Variants in WDR25 observed in about 807,000 individuals in gnomAD.
The protein encoded by WDR25 is WD repeat-containing protein 25.
In WDR25, 35 loss-of-function variants were observed where a neutral mutation model predicts 47.7. That is an observed-to-expected ratio of 0.73 (90% confidence interval 0.56 to 0.97). The LOEUF (loss-of-function observed/expected upper bound fraction) is 0.97, where lower values mean the gene tolerates loss of function less well. WDR25 is among the 50% of genes least tolerant of loss of function. WDR25 has a pLI of 0.00. For missense variants in WDR25, 634 were observed against 704.7 expected (o/e 0.90, Z 1.14); for synonymous variants, 248 against 278.9 (o/e 0.89, Z 1.10).
rs915128655 is a variant in WDR25, at chr14:100,468,830, G to A, written c.970+662G>A. ...AGGACTGCCAGGGAGTGACAGAGCT[G>A]GGATTCGCACCTCTGCCATCTGCCT... On this transcript the variant is annotated intron_variant, in intron 3 of 6. Coordinates refer to ENST00000402312, the MANE Select transcript of WDR25 (RefSeq NM_001161476.3). The surrounding 1 kb of genome is among the most constrained non-coding windows in gnomAD (Gnocchi z 4.5). 1.3e-5 allele frequency among the ~76,000 whole-genome samples: 2 copies of A among 152,114 alleles called. No individual in the cohort carries two copies. Among genetic ancestry groups the A allele is most frequent in the African/African-American group, 4.8e-5 (2 of 41,400 alleles).
rs146569004 is a variant in WDR25, at chr14:100,518,703, C to A, written c.1102-7167C>A. On this transcript the variant is annotated intron_variant, in intron 4 of 6. Coordinates refer to ENST00000402312, the MANE Select transcript of WDR25 (RefSeq NM_001161476.3). ...CTCAGGAGTTCAAGACCAGCCTGGG[C>A]AACATGGTGACACCCCGTCTCTACT... 8.3e-3 allele frequency among the ~76,000 whole-genome samples: 1,255 copies of A among 152,092 alleles called. 16 individuals are homozygous for A. Among genetic ancestry groups the A allele is most frequent in the African/African-American group, 0.029 (1,206 of 41,472 alleles).
intron 4 of WDR25, among the ~76,000 whole-genome samples, chr14:100,511,419 CTT>C (rs1901307005): frequency 6.6e-6 from 1 of 152,122 alleles, no homozygotes; most frequent in Non-Finnish European, 1.5e-5. Flanking sequence ...CTGGTTGTTT[CTT>C]TGTAGATTCT....
chr14:100,436,108 G>C (rs1415897864), intron 2 of WDR25, among the ~76,000 whole-genome samples: 1 of 152,216 alleles, frequency 6.6e-6, no homozygotes, highest in Non-Finnish European at 1.5e-5. Context: ...TCTCAGCTCT[G>C]CTGTTGACTA....
intron 2 of WDR25, among the ~76,000 whole-genome samples, chr14:100,451,989 G>C (rs1899048638): frequency 6.6e-6 from 1 of 152,132 alleles, no homozygotes; most frequent in South Asian, 2.1e-4. Flanking sequence ...TTGTCCATCT[G>C]TCCTTCTATC....
chr14:100,504,601 C>T (rs529782576), intron 4 of WDR25: 5 of 152,232 alleles, frequency 3.3e-5, no homozygotes, highest in South Asian at 2.1e-4. Context: ...ATGGACATAC[C>T]GCAGTTTGTT....
intron 2 of WDR25, among the ~76,000 whole-genome samples, chr14:100,414,339 G>T (rs1897805961): frequency 8.3e-6 from 1 of 120,032 alleles, no homozygotes; most frequent in African/African-American, 3.4e-5. Context: ...TTTTGAGACA[G>T]TCTTGCTCTG....
intron 3 of WDR25, among the ~76,000 whole-genome samples, chr14:100,478,008 C>T (rs1449829617): frequency 6.6e-6 from 1 of 152,030 alleles, no homozygotes; most frequent in Non-Finnish European, 1.5e-5. Flanking sequence ...AGGAGAATGG[C>T]GTGAATCTGG....
intron 2 of WDR25, among the ~76,000 whole-genome samples, chr14:100,417,151 A>G (rs1239023253): frequency 1.3e-5 from 2 of 152,142 alleles, no homozygotes; most frequent in South Asian, 2.1e-4. Flanking sequence ...TCCCTTCTCT[A>G]TGGGCCTAGG....
intron 1 of WDR25, among the ~76,000 whole-genome samples, chr14:100,377,280 G>C (rs1896721933): frequency 8.8e-6 from 1 of 114,102 alleles, no homozygotes; most frequent in Admixed American, 9.7e-5. Flanking sequence ...GAGCTGGCTG[G>C]CTGGCTTTAG....
Position 100,381,131 on chromosome 14 carries a change from C to T in WDR25, c.207C>T (p.Ser69=). The T allele has an allele frequency of 6.2e-7, 1 of 1,614,216 alleles. No individual in the cohort carries two copies. The highest frequency in any genetic ancestry group is 1.3e-5 in the African/African-American group (1 of 75,068). ...KAGAQPTKHG[S]CEDPGGYRLP... ...GGGCACAGCCCACAAAGCATGGCTC[C>T]TGTGAAGACCCAGGGGGCTATCGCC... The change falls in exon 2 of 7, where the codon TCC becomes TCT. Residue 69 remains serine, a synonymous_variant. Transcript: ENST00000402312.
At chr14:100,460,026 A>T (rs541931966) in intron 2 of WDR25, among the ~76,000 whole-genome samples, 1 of 149,242 alleles carries the variant, frequency 6.7e-6, no homozygotes, top group South Asian at 2.1e-4. Flanking sequence ...CTATGAGGCC[A>T]TGATTACCCT....
At position 100,506,450 on chromosome 14, in the gene WDR25, A is replaced by C. The variant is rs1901112983; in HGVS notation, c.1102-19420A>C. Among the ~76,000 whole-genome samples the C allele has an allele frequency of 1.3e-5, 2 of 152,174 alleles. No homozygotes were observed. Among genetic ancestry groups the C allele is most frequent in the Admixed American group, 6.5e-5 (1 of 15,270 alleles). On this transcript the variant is annotated intron_variant, in intron 4 of 6. Transcript: ENST00000402312. The surrounding 1 kb of genome is among the most constrained non-coding windows in gnomAD (Gnocchi z 4.8). ...ACCCAGTAATGGGATTGCTGGGATA[A>C]ATGGTAGTACTGTTTTATGTTCTTT...
rs190739382 is a variant in WDR25 at position 100,488,978 on chromosome 14, C to T, written c.1101+4854C>T. 1.1e-4 allele frequency among the ~76,000 whole-genome samples: 17 copies of T among 152,272 alleles called. No individual in the cohort carries two copies. The highest frequency in any genetic ancestry group is 7.8e-4 in the Admixed American group (12 of 15,304). Reference sequence around the variant, plus strand: ...CCTGGAGTGAGCTGATGGGGTCAGCCGCCACTGTCATTGTGATAGAGGCCT... The same window carrying T: ...CCTGGAGTGAGCTGATGGGGTCAGCTGCCACTGTCATTGTGATAGAGGCCT... On this transcript the variant is annotated intron_variant, in intron 4 of 6. Transcript: ENST00000402312. This position sits in a 1 kb window ranked among gnomAD's most constrained non-coding sequence, Gnocchi z 4.2.
At chr14:100,416,724 C>T (rs1402118858) in intron 2 of WDR25, among the ~76,000 whole-genome samples, 1 of 152,166 alleles carries the variant, frequency 6.6e-6, no homozygotes. Context: ...TGGGCTGTGC[C>T]CCGGCAGTGT....
chr14:100,385,198 C>G (rs1223151199), intron 2 of WDR25, among the ~76,000 whole-genome samples: 1 of 152,174 alleles, frequency 6.6e-6, no homozygotes. Context: ...TTTATATTCC[C>G]CAGCATCTGG....
chr14:100,494,873 C>A (rs1370378642), intron 4 of WDR25, among the ~76,000 whole-genome samples: 2 of 152,116 alleles, frequency 1.3e-5, no homozygotes, highest in Non-Finnish European at 2.9e-5. Context: ...GCAGTACAGA[C>A]CTCATTAAGA....
chr14:100,517,278 C>T (rs1051228294), intron 4 of WDR25, among the ~76,000 whole-genome samples: 20 of 151,852 alleles, frequency 1.3e-4, no homozygotes, highest in Non-Finnish European at 2.2e-4. Flanking sequence ...GGGGTTTCAC[C>T]GTGTTAGCCA....
rs917462412 is a variant in WDR25 at position 100,440,846 on chromosome 14, G to C, written c.823-27175G>C. 2.0e-5 allele frequency among the ~76,000 whole-genome samples: 3 copies of C among 152,220 alleles called. No homozygotes were observed. The highest frequency in any genetic ancestry group is 4.4e-5 in the Non-Finnish European group (3 of 68,038). On this transcript the variant is annotated intron_variant, in intron 2 of 6. Transcript: ENST00000402312. The surrounding 1 kb of genome is among the most constrained non-coding windows in gnomAD (Gnocchi z 4.4). ...GAGGGATGTGTGACAAACATACCAG[G>C]CTGTCATTTGGCCAGAGATTGTCTG...
intron 5 of WDR25, among the ~76,000 whole-genome samples, chr14:100,527,721 C>G (rs2030256669): frequency 6.6e-6 from 1 of 152,222 alleles, no homozygotes; most frequent in Non-Finnish European, 1.5e-5. Context: ...TCCACACTGT[C>G]TGTGTGGAGG....
Sources: gnomAD v4.1 joint callset for allele counts (sites outside exome capture counted in the v4.1 genomes callset) on GRCh38, gnomAD v4.1.1 for gene constraint, Gnocchi (gnomAD v3.1) non-coding constraint, MANE v1.5 for transcripts, NCBI Gene and HGNC (gene_info 2026-07-23, HGNC 2026-07-21) for gene names.